The following KLHL1 variants were observed in gnomAD, a reference collection of about 807,000 sequenced individuals.
KLHL1 encodes kelch like family member 1.
A neutral mutation model predicts 77.7 loss-of-function variants in KLHL1; 47 were observed. The ratio of observed to expected loss-of-function variants is 0.60; its 90% CI spans 0.48 to 0.77. The LOEUF is 0.77. KLHL1 is among the 30% of genes least tolerant of loss of function. KLHL1 has a pLI of 0.00. For synonymous variants in KLHL1, 360 were observed against 325.2 expected, an observed-to-expected ratio of 1.11 and a Z score of -1.15; for missense variants, 925 against 910.8, an observed-to-expected ratio of 1.02 and a Z score of -0.20.
chr13:69,989,966 T>G (rs1884983396), intron 1 of KLHL1, among the ~76,000 whole-genome samples: 1 of 151,698 alleles, frequency 6.6e-6, no homozygotes, highest in Non-Finnish European at 1.5e-5. Flanking sequence ...TTTCTCTAAG[T>G]CTAGAGACTT....
chr13:70,029,355 T>G (rs1886034345), intron 1 of KLHL1, among the ~76,000 whole-genome samples: 1 of 152,170 alleles, frequency 6.6e-6, no homozygotes, highest in Admixed American at 6.6e-5. Flanking sequence ...CAAACGTTGA[T>G]TCTCCACTTT....
intron 1 of KLHL1, among the ~76,000 whole-genome samples, chr13:70,007,240 A>C (rs1481865516): frequency 6.6e-6 from 1 of 152,024 alleles, no homozygotes; most frequent in Admixed American, 6.6e-5. Flanking sequence ...TTATTTGAAA[A>C]ATATTTACTT....
At chr13:70,029,575 G>T (rs1207239909) in intron 1 of KLHL1, among the ~76,000 whole-genome samples, 2 of 152,060 alleles carry the variant, frequency 1.3e-5, no homozygotes, top group East Asian at 1.9e-4. Context: ...TCACCACCAG[G>T]CCTGCCCTAA....
chr13:70,068,107 C>T (rs548716364), intron 1 of KLHL1, among the ~76,000 whole-genome samples: 6 of 150,676 alleles, frequency 4.0e-5, no homozygotes, highest in African/African-American at 4.9e-5. Flanking sequence ...TTTGGGAGGC[C>T]GAGGCGGGCG....
chr13:70,104,928 T>C (rs185566973), intron 1 of KLHL1, among the ~76,000 whole-genome samples: 237 of 152,218 alleles, frequency 1.6e-3, no homozygotes, highest in Non-Finnish European at 2.7e-3. Flanking sequence ...CATATTAAAA[T>C]ATTATATACT....
chr13:69,978,980 C>T (rs907950531), intron 1 of KLHL1, among the ~76,000 whole-genome samples: 11 of 151,254 alleles, frequency 7.3e-5, no homozygotes, highest in Non-Finnish European at 2.9e-5. Context: ...GTTTGGGGGG[C>T]TGGGGGTCAT....
At chr13:69,955,884 T>C (rs1260426244) in intron 3 of KLHL1, among the ~76,000 whole-genome samples, 1 of 139,882 alleles carries the variant, frequency 7.1e-6, no homozygotes, top group African/African-American at 2.6e-5. Context: ...TATATTTATA[T>C]ATATATTTGA....
intron 7 of KLHL1, among the ~76,000 whole-genome samples, chr13:69,782,030 T>C (rs1374735571): frequency 6.6e-6 from 1 of 152,220 alleles, no homozygotes; most frequent in African/African-American, 2.4e-5. Flanking sequence ...CAATTTTCTT[T>C]TCTCTCTTTT....
At chr13:69,892,549 C>T (rs754012108) in intron 4 of KLHL1, among the ~76,000 whole-genome samples, 19 of 152,028 alleles carry the variant, frequency 1.2e-4, no homozygotes, top group East Asian at 1.9e-4. Flanking sequence ...TTGTGTCAGG[C>T]GGTGCTCATT....
chr13:69,826,703 A>G (rs980525359), intron 6 of KLHL1, among the ~76,000 whole-genome samples: 1 of 152,188 alleles, frequency 6.6e-6, no homozygotes, highest in Admixed American at 6.6e-5. Flanking sequence ...ATACATATTC[A>G]AAGTATCATG....
At chr13:70,009,245 G>A (rs1327588386) in intron 1 of KLHL1, among the ~76,000 whole-genome samples, 1 of 152,086 alleles carries the variant, frequency 6.6e-6, no homozygotes, top group South Asian at 2.1e-4. Flanking sequence ...ACACTGCAAT[G>A]AAATCATAGG....
intron 6 of KLHL1, among the ~76,000 whole-genome samples, chr13:69,822,067 C>T (rs375670370): frequency 1.8e-4 from 28 of 151,672 alleles, no homozygotes; most frequent in African/African-American, 5.3e-4. Context: ...GGTGTAGTGG[C>T]GGGTGCTTGT....
rs1486597214 is a variant in KLHL1 at position 69,780,691 on chromosome 13, T to TATAC, written c.1639+16046_1639+16047insGTAT. Among the ~76,000 whole-genome samples the TATAC allele has an allele frequency of 3.7e-3, 24 of 6,482 alleles. 1 individual carries two copies. The highest frequency in any genetic ancestry group is 6.8e-3 in the Non-Finnish European group (21 of 3,066). 4.3% of individuals were successfully genotyped at this position (6,482 alleles called of 152,430 possible). A position where few individuals can be genotyped will look rare whatever the true frequency, so the allele number is the denominator to read the frequency against. On this transcript the variant is annotated intron_variant, in intron 7 of 10. Transcript: ENST00000377844. Reference sequence around the variant, plus strand: ...ACTCTGAATTCTCTTTCTTCATATATATATATATATGTATATATATATATG... The same window carrying TATAC: ...ACTCTGAATTCTCTTTCTTCATATATATACATATATATATGTATATATATATATG...
rs141688753 is a variant in KLHL1 at position 69,942,246 on chromosome 13, T to G, written c.818-2010A>C. Among the ~76,000 whole-genome samples, 1,168 of 152,178 alleles carry G rather than the reference T, an allele frequency of 7.7e-3. 8 individuals carry two copies. The highest frequency in any genetic ancestry group is 0.014 in the Non-Finnish European group (929 of 67,936). Reference sequence around the variant, plus strand: ...TTTAATAATCAATGGCAGCCTTTAGTGCCTACATATAAGGAATGTCTTAGT... The same window carrying G: ...TTTAATAATCAATGGCAGCCTTTAGGGCCTACATATAAGGAATGTCTTAGT... On this transcript the variant is annotated intron_variant, in intron 3 of 10. Coordinates refer to ENST00000377844, the MANE Select transcript of KLHL1 (RefSeq NM_020866.3).
chr13:69,775,195 T>A (rs1875766764), intron 7 of KLHL1, among the ~76,000 whole-genome samples: 1 of 152,098 alleles, frequency 6.6e-6, no homozygotes, highest in African/African-American at 2.4e-5. Flanking sequence ...CATTCCTGCC[T>A]AAACATACGA....
intron 4 of KLHL1, among the ~76,000 whole-genome samples, chr13:69,888,757 A>G (rs1422732530): frequency 6.6e-6 from 1 of 151,878 alleles, no homozygotes; most frequent in Non-Finnish European, 1.5e-5. Flanking sequence ...ATTTTGTGGA[A>G]CTTTGTACAG....
chr13:69,806,641 C>A (rs1877631058), intron 6 of KLHL1, among the ~76,000 whole-genome samples: 4 of 152,182 alleles, frequency 2.6e-5, no homozygotes, highest in African/African-American at 7.2e-5. Flanking sequence ...TCAGCTTTAA[C>A]AATCTGGGCC....
chr13:70,072,026 G>T (rs1363164433), intron 1 of KLHL1, among the ~76,000 whole-genome samples: 1 of 151,968 alleles, frequency 6.6e-6, no homozygotes, highest in African/African-American at 2.4e-5. Context: ...GAAACCAAAA[G>T]CTAGCTTGAA....
intron 4 of KLHL1, among the ~76,000 whole-genome samples, chr13:69,901,696 A>T (rs2138227235): frequency 6.6e-6 from 1 of 152,336 alleles, no homozygotes; most frequent in African/African-American, 2.4e-5. Flanking sequence ...GTTGCAAAAT[A>T]AATTGATGAT....
Sources: allele counts gnomAD v4.1 joint callset (sites outside exome capture counted in the v4.1 genomes callset), GRCh38; gene constraint gnomAD v4.1.1; transcripts MANE v1.5; gene names NCBI Gene and HGNC (gene_info 2026-07-23, HGNC 2026-07-21).